SPTLC2: variants seen among roughly 807,000 people sequenced by gnomAD.
SPTLC2 encodes serine palmitoyltransferase long chain base subunit 2, also known as serine palmitoyltransferase 2.
In SPTLC2, 21 loss-of-function variants were observed where a neutral mutation model predicts 62.0. The ratio of observed to expected loss-of-function variants is 0.34; its 90% CI spans 0.24 to 0.49. The LOEUF is 0.49. Ranked by LOEUF, SPTLC2 falls within the 20% of genes least tolerant of loss-of-function variation. SPTLC2 has a pLI of 0.99. For synonymous variants in SPTLC2, 261 were observed against 261.8 expected, an observed-to-expected ratio of 1.00 and a Z score of 0.03; for missense variants, 511 against 713.0, an observed-to-expected ratio of 0.72 and a Z score of 3.23.
In SPTLC2 at chr14:77,555,517, A is replaced by G. The variant is rs1207786958; in HGVS notation, c.959T>C (p.Met320Thr). 1 of 1,614,154 alleles carries G rather than the reference A, an allele frequency of 6.2e-7. No individual in the cohort carries two copies. The highest frequency in any genetic ancestry group is 1.3e-5 in the African/African-American group (1 of 75,054). The change falls in exon 8 of 12, where the codon ATG becomes ACG. Residue 320 changes from methionine to threonine, a missense_variant and splice_region_variant. By Grantham distance (81) the Met-to-Thr change is moderately conservative. Transcript: ENST00000216484. Reference sequence around the variant, plus strand: ...AGGAAGACGAACAATAGATCCCTCCATGCTGGCAAAACATGAAAAAATATA... The same window carrying G: ...AGGAAGACGAACAATAGATCCCTCCGTGCTGGCAAAACATGAAAAAATATA... ...ILILVEGIYS[M>T]EGSIVRLPEV...
chr14:77,568,822 A>G (rs971961779), intron 5 of SPTLC2, among the ~76,000 whole-genome samples: 1 of 142,206 alleles, frequency 7.0e-6, no homozygotes, highest in Non-Finnish European at 1.6e-5. Flanking sequence ...AAAAAAAAAA[A>G]AAAGAGAGAG....
At chr14:77,524,208 TA>T (rs1267700528) in intron 9 of SPTLC2, among the ~76,000 whole-genome samples, 1 of 152,132 alleles carries the variant, frequency 6.6e-6, no homozygotes, top group Non-Finnish European at 1.5e-5. Context: ...TATGAAACTC[TA>T]AAAAGACATA....
At chr14:77,610,134 T>G (rs2079927382) in intron 1 of SPTLC2, among the ~76,000 whole-genome samples, 2 of 100,892 alleles carry the variant, frequency 2.0e-5, no homozygotes, top group South Asian at 8.4e-4. Context: ...GGTATCTAAC[T>G]GAGGTTTTGT....
chr14:77,517,978 T>G, intron 11 of SPTLC2, 60 bp downstream of exon 11: 8 of 1,610,628 alleles, frequency 5.0e-6, no homozygotes, highest in Non-Finnish European at 6.8e-6. Context: ...GAATTTCATC[T>G]AATATACAGG....
chr14:77,529,222 T>C (rs1297009013), intron 9 of SPTLC2, among the ~76,000 whole-genome samples: 2 of 151,712 alleles, frequency 1.3e-5, no homozygotes, highest in African/African-American at 4.8e-5. Flanking sequence ...ACACATTTCA[T>C]TCCTGTGAAG....
At chr14:77,563,885 T>C (rs2079628240) in intron 5 of SPTLC2, among the ~76,000 whole-genome samples, 2 of 152,186 alleles carry the variant, frequency 1.3e-5, no homozygotes, top group Admixed American at 6.5e-5. Flanking sequence ...TAACAGTAGT[T>C]GTGTTTGAAA....
intron 11 of SPTLC2, among the ~76,000 whole-genome samples, chr14:77,513,921 C>T (rs981271560): frequency 5.2e-5 from 7 of 133,754 alleles, no homozygotes; most frequent in Non-Finnish European, 9.6e-5. Flanking sequence ...AAAGTCAAGG[C>T]TGAACACGGT....
intron 4 of SPTLC2, among the ~76,000 whole-genome samples, chr14:77,575,884 T>C (rs2079712950): frequency 6.6e-6 from 1 of 152,258 alleles, no homozygotes; most frequent in South Asian, 2.1e-4. Context: ...CCATGCATGA[T>C]GAACAACTCT....
intron 1 of SPTLC2, among the ~76,000 whole-genome samples, chr14:77,615,419 C>A (rs1387225495): frequency 1.3e-5 from 2 of 152,158 alleles, no homozygotes; most frequent in African/African-American, 2.4e-5. Flanking sequence ...TTAAGATCAC[C>A]ATCCTATCAA....
At chr14:77,583,324 A>C (rs538502039) in intron 2 of SPTLC2, among the ~76,000 whole-genome samples, 2 of 152,286 alleles carry the variant, frequency 1.3e-5, no homozygotes, top group Non-Finnish European at 2.9e-5. Flanking sequence ...GGGAGGGGTC[A>C]CTACTTGCAG....
chr14:77,591,376 G>A (rs1430402688), intron 2 of SPTLC2, among the ~76,000 whole-genome samples: 1 of 152,166 alleles, frequency 6.6e-6, no homozygotes, highest in Non-Finnish European at 1.5e-5. Context: ...TTCTTTTTCA[G>A]AAGAGAAAAA....
At chr14:77,599,842 G>T (rs2079867775) in intron 1 of SPTLC2, among the ~76,000 whole-genome samples, 1 of 152,222 alleles carries the variant, frequency 6.6e-6, no homozygotes, top group East Asian at 1.9e-4. Context: ...AAAGCAAAAT[G>T]AAAAGCAATT....
Position 77,508,672 on chromosome 14 carries a change from A to T in SPTLC2, c.*3612T>A, listed in dbSNP as rs2364160. The T allele has an allele frequency of 0.96, 145,977 of 152,326 alleles. 70,259 individuals carry two copies. Among genetic ancestry groups the T allele is most frequent in the East Asian group, 1 (5,182 of 5,182 alleles). 9.4% of individuals were successfully genotyped at this position (152,326 alleles called of 1,614,324 possible). On this transcript the variant is annotated 3_prime_UTR_variant, in exon 12 of 12. Transcript: ENST00000216484. ...CCAATAAGAAGGAAGCAAAGTGTAT[A>T]ACACACTAGAAAATTCAGCTAGGCT...
At chr14:77,612,298 C>G (rs992527938) in intron 1 of SPTLC2, among the ~76,000 whole-genome samples, 7 of 152,190 alleles carry the variant, frequency 4.6e-5, no homozygotes, top group Admixed American at 1.3e-4. Flanking sequence ...TGGGCAAACC[C>G]TAAAAAGTGG....
chr14:77,613,881 T>C (rs1407532230), intron 1 of SPTLC2, among the ~76,000 whole-genome samples: 2 of 152,206 alleles, frequency 1.3e-5, no homozygotes, highest in Admixed American at 6.5e-5. Flanking sequence ...TGTTAAGATA[T>C]TGTATTGCTC....
intron 9 of SPTLC2, among the ~76,000 whole-genome samples, chr14:77,536,534 T>C (rs2079471870): frequency 6.6e-6 from 1 of 152,170 alleles, no homozygotes; most frequent in Non-Finnish European, 1.5e-5. Context: ...TGACAATAAA[T>C]GTTAGAATAT....
At chr14:77,514,875 C>T (rs1277427888) in intron 11 of SPTLC2, among the ~76,000 whole-genome samples, 2 of 152,206 alleles carry the variant, frequency 1.3e-5, no homozygotes, top group African/African-American at 4.8e-5. Flanking sequence ...TTCTGGACAT[C>T]TCTTATAAAT....
chr14:77,527,047 G>A (rs2079412292), intron 9 of SPTLC2, among the ~76,000 whole-genome samples: 3 of 151,162 alleles, frequency 2.0e-5, no homozygotes, highest in African/African-American at 2.4e-5. Flanking sequence ...ACCTGCCTCG[G>A]CCTCCCAAAG....
chr14:77,534,229 T>C (rs1311647361), intron 9 of SPTLC2, among the ~76,000 whole-genome samples: 1 of 145,436 alleles, frequency 6.9e-6, no homozygotes, highest in Admixed American at 6.8e-5. Context: ...CAAATGCATA[T>C]CTATAAAAAG....
Sources: gnomAD v4.1 joint callset for allele counts (sites outside exome capture counted in the v4.1 genomes callset) on GRCh38, gnomAD v4.1.1 for gene constraint, MANE v1.5 for transcripts, NCBI Gene and HGNC (gene_info 2026-07-23, HGNC 2026-07-21) for gene names.